The following DNM3 variants were observed in gnomAD, a reference collection of about 807,000 sequenced individuals.
DNM3 encodes dynamin-3.
In DNM3, 47 loss-of-function variants were observed where a neutral mutation model predicts 101.6. The ratio of observed to expected loss-of-function variants is 0.46; its 90% confidence interval spans 0.37 to 0.59. The LOEUF is 0.59. Among genes scored for constraint, DNM3 ranks in the 20% least tolerant of loss-of-function variants. The pLI is 0.00. For missense variants in DNM3, 849 were observed against 1,085.7 expected, an observed-to-expected ratio of 0.78 and a Z score of 3.06; for synonymous variants, 385 against 387.9, an observed-to-expected ratio of 0.99 and a Z score of 0.09.
chr1:172,332,546 G>A (rs1172317132), intron 17 of DNM3, among the ~76,000 whole-genome samples: 1 of 152,104 alleles, frequency 6.6e-6, no homozygotes, highest in East Asian at 1.9e-4. Context: ...CTGAGCTCAG[G>A]CAATCGCCCA....
intron 13 of DNM3, among the ~76,000 whole-genome samples, chr1:172,104,183 A>G (rs2054848237): frequency 6.6e-6 from 1 of 152,148 alleles, no homozygotes; most frequent in African/African-American, 2.4e-5. Flanking sequence ...TAGTACAAAT[A>G]TTTTCTGCTT....
At chr1:171,961,624 CG>C (rs914150677) in intron 2 of DNM3, among the ~76,000 whole-genome samples, 5 of 152,116 alleles carry the variant, frequency 3.3e-5, no homozygotes, top group African/African-American at 9.7e-5. Context: ...GATTGGAAAG[CG>C]GGGGCCCAAA....
At chr1:172,239,722 C>T (rs1453706939) in intron 14 of DNM3, among the ~76,000 whole-genome samples, 1 of 151,036 alleles carries the variant, frequency 6.6e-6, no homozygotes, top group African/African-American at 2.4e-5. Context: ...ATGATACCTT[C>T]TCAGTTCATT....
intron 13 of DNM3, among the ~76,000 whole-genome samples, chr1:172,130,142 T>C (rs960750513): frequency 6.6e-6 from 1 of 152,214 alleles, no homozygotes; most frequent in Non-Finnish European, 1.5e-5. Context: ...ATTAGGGTAT[T>C]TTCATCTTCC....
In DNM3 at chr1:172,104,798, T is replaced by C. The variant is rs561962040; in HGVS notation, c.1545+11923T>C. 2.0e-5 allele frequency among the ~76,000 whole-genome samples: 3 copies of C among 152,340 alleles called. No individual in the cohort carries two copies. In the East Asian group the frequency reaches 5.8e-4, roughly 29 times the overall value. On this transcript the variant is annotated intron_variant, in intron 13 of 20. Transcript: ENST00000627582. ...TTAATGCATCCATTATTGACATTTT[T>C]CCCTGTAACCTGTCTGAGATTCGTC...
intron 17 of DNM3, among the ~76,000 whole-genome samples, chr1:172,364,564 A>G (rs1181022451): frequency 6.6e-6 from 1 of 151,946 alleles, no homozygotes; most frequent in East Asian, 1.9e-4. Flanking sequence ...AAGAGCAAGA[A>G]ATAGAGAGAT....
chr1:172,254,765 A>T (rs1420161389), intron 15 of DNM3, among the ~76,000 whole-genome samples: 2 of 152,162 alleles, frequency 1.3e-5, no homozygotes, highest in African/African-American at 4.8e-5. Flanking sequence ...AAGTTAAATA[A>T]GCAAATGGAG....
intron 1 of DNM3, among the ~76,000 whole-genome samples, chr1:171,893,073 T>TGC (rs2037439891): frequency 6.7e-6 from 1 of 149,846 alleles, no homozygotes; most frequent in Admixed American, 6.6e-5. Context: ...TCTTGCAGAC[T>TGC]CCACTCATTT....
chr1:172,255,341 A>C (rs975550813), intron 15 of DNM3, among the ~76,000 whole-genome samples: 2 of 152,146 alleles, frequency 1.3e-5, no homozygotes, highest in Non-Finnish European at 2.9e-5. Flanking sequence ...TCATCAGAGC[A>C]GCAGAGACTC....
chr1:171,905,065 A>C (rs2038706014), intron 1 of DNM3, among the ~76,000 whole-genome samples: 1 of 152,216 alleles, frequency 6.6e-6, no homozygotes, highest in Admixed American at 6.5e-5. Flanking sequence ...GCTGACTCTT[A>C]GCTTTGAAGT....
At chr1:172,347,202 C>CA (rs1553240842) in intron 17 of DNM3, among the ~76,000 whole-genome samples, 5 of 151,550 alleles carry the variant, frequency 3.3e-5, no homozygotes, top group African/African-American at 4.9e-5. Context: ...AAGCCCCCCC[C>CA]GCCAAAAAAA....
At chr1:171,991,870 A>G (rs2045654164) in intron 4 of DNM3, among the ~76,000 whole-genome samples, 1 of 152,218 alleles carries the variant, frequency 6.6e-6, no homozygotes, top group Non-Finnish European at 1.5e-5. Flanking sequence ...TGCGTACCGC[A>G]ATATGACAAT....
chr1:172,281,512 A>G lies in DNM3; in HGVS notation c.1770-27216A>G, dbSNP rs147510013. ...ATATGGAGCTCTAATAGAAGGAAAC[A>G]CATTTCCTGGATCAGCTCTTTGCCT... is the stretch of plus-strand genomic sequence containing the variant. On this transcript the variant is annotated intron_variant, in intron 15 of 20. Transcript: ENST00000627582. Among the ~76,000 whole-genome samples the G allele has an allele frequency of 5.0e-3, 758 of 152,320 alleles. 12 individuals are homozygous for G. Among genetic ancestry groups the G allele is most frequent in the African/African-American group, 0.018 (728 of 41,574 alleles).
intron 1 of DNM3, among the ~76,000 whole-genome samples, chr1:171,842,131 C>G (rs1203328019): frequency 1.3e-5 from 2 of 152,092 alleles, no homozygotes; most frequent in Admixed American, 6.5e-5. Flanking sequence ...CCGGGCTCGA[C>G]CCCCACCCCC....
chr1:172,247,170 G>A (rs964210826), intron 14 of DNM3, among the ~76,000 whole-genome samples: 3 of 152,078 alleles, frequency 2.0e-5, no homozygotes, highest in Admixed American at 6.6e-5. Context: ...GTGGTACTTC[G>A]CGTGTGGTCT....
chr1:172,133,508 G>A, intron 14 of DNM3: 1 of 850,990 alleles, frequency 1.2e-6, no homozygotes, highest in Non-Finnish European at 1.4e-6. Flanking sequence ...GAATTATTTA[G>A]ATGAAGAAAT....
chr1:172,102,236 C>G (rs943391163), intron 13 of DNM3, among the ~76,000 whole-genome samples: 1 of 151,980 alleles, frequency 6.6e-6, no homozygotes, highest in Non-Finnish European at 1.5e-5. Context: ...TCTGATGAAC[C>G]AAAAAACTAC....
At chr1:172,314,711 T>C (rs6684830) in intron 16 of DNM3, among the ~76,000 whole-genome samples, 52,363 of 152,136 alleles carry the variant, frequency 0.34, 9,903 homozygotes, top group African/African-American at 0.51. Context: ...TGCCCAGGCT[T>C]GCTTAGGTAA....
rs559642008 is a variant in DNM3 at position 171,915,338 on chromosome 1, G to A, written c.162-6410G>A. Among the ~76,000 whole-genome samples, 605 of 152,296 alleles carry A rather than the reference G, an allele frequency of 4.0e-3. 7 individuals are homozygous for A. Among genetic ancestry groups the A allele is most frequent in the African/African-American group, 0.014 (571 of 41,548 alleles). On this transcript the variant is annotated intron_variant, in intron 1 of 20. Coordinates refer to ENST00000627582, the MANE Select transcript of DNM3 (RefSeq NM_015569.5). ...CTTACATCACTGTTAAAGTTGGATAGGAGGGTGCTCAAATTAGATGCAGGG... is the reference window on the plus strand; with the variant it reads ...CTTACATCACTGTTAAAGTTGGATAAGAGGGTGCTCAAATTAGATGCAGGG...
Sources: gnomAD v4.1 joint callset for allele counts (sites outside exome capture counted in the v4.1 genomes callset) on GRCh38, gnomAD v4.1.1 for gene constraint, MANE v1.5 for transcripts, NCBI Gene and HGNC (gene_info 2026-07-23, HGNC 2026-07-21) for gene names.